The following ACVR1B variants were observed in gnomAD, a reference collection of about 807,000 sequenced individuals.
ACVR1B encodes activin A receptor type 1B, also known as activin receptor type-1B.
A neutral mutation model predicts 55.6 loss-of-function variants in ACVR1B; 15 were observed. That is an observed-to-expected ratio of 0.27 (90% CI 0.18 to 0.42). ACVR1B has a LOEUF of 0.42. Among genes scored for constraint, ACVR1B ranks in the 10% least tolerant of loss-of-function variants. The probability of loss-of-function intolerance (pLI) is 1.00; values close to 1 mark genes in which losing one functional copy is unlikely to be tolerated. For missense variants in ACVR1B, 359 were observed against 670.1 expected (o/e 0.54, Z 5.13); for synonymous variants, 247 against 254.6 (o/e 0.97, Z 0.28).
At chr12:51,990,900 G>A (rs1042952600) in intron 7 of ACVR1B, among the ~76,000 whole-genome samples, 1 of 152,172 alleles carries the variant, frequency 6.6e-6, no homozygotes, top group Non-Finnish European at 1.5e-5. Flanking sequence ...CTATGAATTG[G>A]TAGTTAGATC....
chr12:51,993,331 C>T (rs376700111), intron 8 of ACVR1B, among the ~76,000 whole-genome samples: 4 of 152,176 alleles, frequency 2.6e-5, no homozygotes, highest in Non-Finnish European at 4.4e-5. Context: ...CTGATGCTTT[C>T]GTGTTGCATC....
intron 7 of ACVR1B, chr12:51,987,796 G>A (rs1412535665): frequency 6.6e-6 from 1 of 152,364 alleles, no homozygotes; most frequent in Non-Finnish European, 1.5e-5. Flanking sequence ...ACCACAGGGT[G>A]ACTATAGTCA....
intron 8 of ACVR1B, among the ~76,000 whole-genome samples, chr12:51,993,496 G>A (rs1418461588): frequency 6.6e-6 from 1 of 152,106 alleles, no homozygotes; most frequent in African/African-American, 2.4e-5. Flanking sequence ...CTGGCGCGGT[G>A]GCTCATGCCT....
Position 51,987,053 on chromosome 12 carries a change from G to A in ACVR1B, c.1261+111G>A, listed in dbSNP as rs1942093096. The A allele has an allele frequency of 2.8e-6, 4 of 1,450,822 alleles. No individual in the cohort carries two copies. The African/African-American group carries it at 5.6e-5, about 20-fold the overall frequency. 89.9% of individuals were successfully genotyped at this position (1,450,822 alleles called of 1,614,324 possible). On this transcript the variant is annotated intron_variant, in intron 7 of 8. Transcript: ENST00000257963. ...ACAACCTGTTGGATGCCTGTTGCCA[G>A]AGCCTGAATCATCGTTTAAGGTTGC...
chr12:51,952,593 C>T (rs1319964911), intron 1 of ACVR1B, among the ~76,000 whole-genome samples: 1 of 152,130 alleles, frequency 6.6e-6, no homozygotes, highest in African/African-American at 2.4e-5. Context: ...ACCGAGTTCC[C>T]CAAGGGTTGA....
At chr12:51,963,237 A>T (rs1011772211) in intron 1 of ACVR1B, among the ~76,000 whole-genome samples, 1 of 151,658 alleles carries the variant, frequency 6.6e-6, no homozygotes, top group South Asian at 2.1e-4. Flanking sequence ...TTATTTATTT[A>T]TTTTTTATGT....
chr12:51,983,887 G>T, intron 4 of ACVR1B, 112 bp from the exon 5 acceptor site: 1 of 1,083,880 alleles, frequency 9.2e-7, no homozygotes, highest in East Asian at 2.5e-5. Flanking sequence ...GGTGGGAAAT[G>T]TGAATTCAGG....
chr12:51,994,225 C>CT lies in ACVR1B; in HGVS notation c.*115_*116insT. ...CTGCCCAGCCCTCTGTGGCCAGGAG[C>CT]CCTGGCCCGCAAGAGGGACAGAGCC... On this transcript the variant is annotated 3_prime_UTR_variant, in exon 9 of 9. Coordinates refer to ENST00000257963, the MANE Select transcript of ACVR1B (RefSeq NM_004302.5). The surrounding 1 kb of genome is among the most constrained non-coding windows in gnomAD (Gnocchi z 4.2). The CT allele has an allele frequency of 6.9e-7, 1 of 1,458,182 alleles. No individual in the cohort carries two copies. Among genetic ancestry groups the CT allele is most frequent in the Non-Finnish European group, 9.2e-7 (1 of 1,083,062 alleles). The allele number at this position is 1,458,182 out of a possible 1,614,324, so 90.3% of individuals were successfully genotyped here. A position where few individuals can be genotyped will look rare whatever the true frequency, so the allele number is the denominator to read the frequency against.
At position 51,951,815 on chromosome 12, in the gene ACVR1B, C is replaced by T; in HGVS notation, c.72C>T (p.Ser24=). 7.8e-7 allele frequency: 1 copy of T among 1,278,308 alleles called. No individual in the cohort carries two copies. Among genetic ancestry groups the T allele is most frequent in the Non-Finnish European group, 1.0e-6 (1 of 1,003,898 alleles). The allele number at this position is 1,278,308 out of a possible 1,614,324, so 79.2% of individuals were successfully genotyped here. ...TCCTGCTCGCCGGCAGCGGCGGGTC[C>T]GGGCCCCGGGGGGTCCAGGGTGAGT... ...VVLLLAGSGG[S]GPRGVQALLC... is the part of the protein sequence containing the mutation. Residue 24 remains serine, a synonymous_variant, in exon 1 of 9, where the codon TCC becomes TCT. Transcript: ENST00000257963.
At chr12:51,969,715 C>T (rs1005213762) in intron 1 of ACVR1B, among the ~76,000 whole-genome samples, 1 of 152,154 alleles carries the variant, frequency 6.6e-6, no homozygotes, top group Admixed American at 6.5e-5. Context: ...AAGGAATTTA[C>T]ACTGTGTATA....
At chr12:51,979,466 C>CA (rs11421560) in intron 3 of ACVR1B, among the ~76,000 whole-genome samples, 93,616 of 117,690 alleles carry the variant, frequency 0.8, 37,328 homozygotes, top group East Asian at 0.95. Context: ...GACACCATCT[C>CA]AAAAAAAAAA....
intron 1 of ACVR1B, among the ~76,000 whole-genome samples, chr12:51,972,566 C>T (rs552211761): frequency 2.1e-4 from 32 of 152,256 alleles, no homozygotes; most frequent in African/African-American, 5.8e-4. Context: ...AATTGCCTAA[C>T]GCTGCACATT....
intron 4 of ACVR1B, among the ~76,000 whole-genome samples, chr12:51,983,354 CTTTCTGGGAAT>C (rs1942016206): frequency 6.6e-6 from 1 of 152,180 alleles, no homozygotes; most frequent in Non-Finnish European, 1.5e-5. Flanking sequence ...GATGAGATGC[CTTTCTGGGAAT>C]ACTTGGAAGT....
rs117561080 is a variant in ACVR1B, at chr12:51,964,112, C to T, written c.92-11153C>T. ...GTATATCTTCGGAGAAATGTCTGTT[C>T]AGGTCTTTTTCCAGTTTTGTTGGTT... On this transcript the variant is annotated intron_variant, in intron 1 of 8. Coordinates refer to ENST00000257963, the MANE Select transcript of ACVR1B (RefSeq NM_004302.5). Among the ~76,000 whole-genome samples, 23 of 152,254 alleles carry T rather than the reference C, an allele frequency of 1.5e-4. No homozygotes were observed. The East Asian group carries it at 4.2e-3, about 28-fold the overall frequency.
intron 7 of ACVR1B, 168 bp downstream of exon 7, chr12:51,987,110 G>A (rs942694902): frequency 2.2e-6 from 2 of 896,632 alleles, no homozygotes; most frequent in Non-Finnish European, 3.7e-6. Context: ...TGTGCTTAGG[G>A]TGCGTTTATT....
At chr12:51,984,651 G>A (rs1942044754) in intron 5 of ACVR1B, among the ~76,000 whole-genome samples, 1 of 152,216 alleles carries the variant, frequency 6.6e-6, no homozygotes, top group Non-Finnish European at 1.5e-5. Context: ...TCTGCTACTT[G>A]TTGATTATCA....
chr12:51,954,010 A>G (rs1941362466), intron 1 of ACVR1B, among the ~76,000 whole-genome samples: 1 of 152,230 alleles, frequency 6.6e-6, no homozygotes, highest in Admixed American at 6.5e-5. Flanking sequence ...CCAATAGTGT[A>G]TGCTATGGAG....
intron 7 of ACVR1B, among the ~76,000 whole-genome samples, chr12:51,990,875 T>G (rs1020501615): frequency 6.6e-5 from 10 of 152,232 alleles, no homozygotes; most frequent in African/African-American, 2.4e-4. Flanking sequence ...CATATTCTAC[T>G]CTTCCTGGTA....
chr12:51,970,085 C>T (rs2120547532), intron 1 of ACVR1B, among the ~76,000 whole-genome samples: 1 of 152,294 alleles, frequency 6.6e-6, no homozygotes, highest in East Asian at 1.9e-4. Flanking sequence ...TGGTGTGGCT[C>T]TTTGGTCAGA....
Sources: allele counts gnomAD v4.1 joint callset (sites outside exome capture counted in the v4.1 genomes callset), GRCh38; gene constraint gnomAD v4.1.1; non-coding constraint Gnocchi (gnomAD v3.1); transcripts MANE v1.5; gene names NCBI Gene and HGNC (gene_info 2026-07-23, HGNC 2026-07-21).